The following RHBDD1 variants were observed in gnomAD, a reference collection of about 807,000 sequenced individuals.
RHBDD1 encodes rhomboid domain containing 1, also known as rhomboid-related protein 4.
RHBDD1 carries 38 observed loss-of-function variants against 36.3 expected under a neutral mutation model. That is an observed-to-expected ratio of 1.05 (90% CI 0.81 to 1.37). RHBDD1 has a LOEUF of 1.37. Among genes scored for constraint, RHBDD1 ranks in the 40% most tolerant of loss-of-function variants. The pLI, the probability that RHBDD1 is intolerant of heterozygous loss-of-function variation, is 0.00. For missense variants in RHBDD1, 393 were observed against 377.6 expected (o/e 1.04, Z -0.34); for synonymous variants, 151 against 136.5 (o/e 1.11, Z -0.74).
intron 5 of RHBDD1, among the ~76,000 whole-genome samples, chr2:226,903,601 G>GA (rs1214601677): frequency 2.0e-5 from 3 of 152,030 alleles, no homozygotes; most frequent in Non-Finnish European, 2.9e-5. Context: ...CAGAAAATGG[G>GA]AAAAAATGTT....
intron 5 of RHBDD1, among the ~76,000 whole-genome samples, chr2:226,894,787 G>C (rs1946965739): frequency 6.6e-6 from 1 of 152,192 alleles, no homozygotes; most frequent in South Asian, 2.1e-4. Context: ...GGATTAAGTA[G>C]CAGGGTGATG....
chr2:226,888,919 T>C (rs1358940224), intron 5 of RHBDD1, among the ~76,000 whole-genome samples: 1 of 152,208 alleles, frequency 6.6e-6, no homozygotes, highest in African/African-American at 2.4e-5. Context: ...ATTTAAGGTG[T>C]ATTTGCAGGA....
chr2:226,888,372 G>A (rs1279381714), intron 5 of RHBDD1, among the ~76,000 whole-genome samples: 7 of 151,528 alleles, frequency 4.6e-5, no homozygotes, highest in African/African-American at 7.3e-5. Flanking sequence ...TTAAAAAATT[G>A]TGTATTAAAT....
At chr2:226,824,102 A>C in the RHBDD1 span, among the ~76,000 whole-genome samples, 202 of 152,118 alleles carry the variant, frequency 1.3e-3, no homozygotes, top group Middle Eastern at 0.014. Context: ...TTCTCTCTCT[A>C]TATATATATC....
chr2:226,939,113 T>C (rs1035863671), intron 8 of RHBDD1, among the ~76,000 whole-genome samples: 1 of 152,218 alleles, frequency 6.6e-6, no homozygotes, highest in African/African-American at 2.4e-5. Flanking sequence ...AAACTAGGTA[T>C]TGAAGAAACA....
At position 226,840,193 on chromosome 2, in the gene RHBDD1, T is replaced by G. The variant is rs138449655; in HGVS notation, c.-91+566T>G. 9.6e-4 allele frequency among the ~76,000 whole-genome samples: 146 copies of G among 152,306 alleles called. 1 individual carries two copies. Among genetic ancestry groups the G allele is most frequent in the African/African-American group, 3.4e-3 (140 of 41,578 alleles). On this transcript the variant is annotated intron_variant, in intron 3 of 8. Coordinates refer to ENST00000392062, the MANE Select transcript of RHBDD1 (RefSeq NM_001167608.3). ...GTTACTTTCAATCAACCAGCTGCTT[T>G]GTGGCAATATCATGATGGTGATATT... is the stretch of plus-strand genomic sequence containing the variant.
At chr2:226,815,495 A>G in the RHBDD1 span, among the ~76,000 whole-genome samples, 1 of 152,238 alleles carries the variant, frequency 6.6e-6, no homozygotes, top group African/African-American at 2.4e-5. Context: ...CTGTAAAAAT[A>G]CATTGAATAT....
chr2:226,803,121 G>A, the RHBDD1 span, among the ~76,000 whole-genome samples: 2 of 152,200 alleles, frequency 1.3e-5, no homozygotes, highest in Non-Finnish European at 2.9e-5. Flanking sequence ...ATTTAGAACA[G>A]TGCTTGAAGG....
At chr2:226,861,258 G>T (rs1202387652) in intron 3 of RHBDD1, among the ~76,000 whole-genome samples, 1 of 152,178 alleles carries the variant, frequency 6.6e-6, no homozygotes, top group African/African-American at 2.4e-5. Flanking sequence ...AGTAGGGATA[G>T]AGGAGAAGTG....
chr2:226,894,981 T>A (rs1946979369), intron 5 of RHBDD1, among the ~76,000 whole-genome samples: 1 of 152,168 alleles, frequency 6.6e-6, no homozygotes, highest in African/African-American at 2.4e-5. Context: ...GAAGGGTGGA[T>A]GCTTAGCGTT....
intron 3 of RHBDD1, among the ~76,000 whole-genome samples, chr2:226,843,554 T>C (rs765086041): frequency 3.9e-5 from 6 of 152,230 alleles, no homozygotes; most frequent in Admixed American, 6.5e-5. Context: ...TTAGTTCTGC[T>C]TATGTGATGA....
At chr2:226,948,590 A>G (rs1351032171) in intron 8 of RHBDD1, among the ~76,000 whole-genome samples, 1 of 94,900 alleles carries the variant, frequency 1.1e-5, no homozygotes, top group Non-Finnish European at 2.1e-5. Context: ...AAAAAACGAA[A>G]AAAATAAAAA....
At chr2:226,971,753 C>T (rs1953552787) in intron 8 of RHBDD1, among the ~76,000 whole-genome samples, 1 of 151,796 alleles carries the variant, frequency 6.6e-6, no homozygotes, top group Non-Finnish European at 1.5e-5. Flanking sequence ...GACATTTGCT[C>T]TAAGTTATCT....
intron 3 of RHBDD1, among the ~76,000 whole-genome samples, chr2:226,846,954 T>C (rs987266102): frequency 2.6e-5 from 4 of 152,216 alleles, no homozygotes; most frequent in African/African-American, 9.7e-5. Flanking sequence ...TATGAATTTT[T>C]GTCAAGTAGT....
In RHBDD1 at chr2:226,914,207, G is replaced by A; in HGVS notation, c.713-1G>A. On this transcript the variant is annotated splice_acceptor_variant, in intron 7 of 8. Coordinates refer to ENST00000392062, the MANE Select transcript of RHBDD1 (RefSeq NM_001167608.3). LOFTEE classifies it high-confidence loss of function. ...CTAGAACCTTTTCCTTGTGCCTTTA[G>A]GCAGCTCTGGATATCAGGATTATTA... The A allele has an allele frequency of 6.2e-7, 1 of 1,613,330 alleles. No individual in the cohort carries two copies. The highest frequency in any genetic ancestry group is 8.5e-7 in the Non-Finnish European group (1 of 1,179,574).
chr2:226,854,383 A>G (rs1943115994), intron 3 of RHBDD1, among the ~76,000 whole-genome samples: 1 of 152,102 alleles, frequency 6.6e-6, no homozygotes, highest in Non-Finnish European at 1.5e-5. Context: ...ACCCAAGGTT[A>G]GGGGTTCAAA....
intron 5 of RHBDD1, among the ~76,000 whole-genome samples, chr2:226,877,847 CTG>C (rs1297070328): frequency 1.3e-5 from 2 of 152,158 alleles, no homozygotes; most frequent in African/African-American, 4.8e-5. Flanking sequence ...GAATATGTGT[CTG>C]TGAAGAGTGC....
upstream of RHBDD1, among the ~76,000 whole-genome samples, chr2:226,832,392 T>A (rs1233996554): frequency 6.6e-6 from 1 of 152,210 alleles, no homozygotes; most frequent in African/African-American, 2.4e-5. Flanking sequence ...TTATTTATGG[T>A]CTAACATAAG....
At chr2:226,870,439 T>C (rs758469001) in intron 5 of RHBDD1, among the ~76,000 whole-genome samples, 8 of 152,172 alleles carry the variant, frequency 5.3e-5, no homozygotes, top group Non-Finnish European at 8.8e-5. Context: ...CCTACTTCCC[T>C]TTGCTCCTAC....
Sources: gnomAD v4.1 joint callset for allele counts (sites outside exome capture counted in the v4.1 genomes callset) on GRCh38, gnomAD v4.1.1 for gene constraint, MANE v1.5 for transcripts, NCBI Gene and HGNC (gene_info 2026-07-23, HGNC 2026-07-21) for gene names.